The following CMPK1 variants were observed in gnomAD, a reference collection of about 807,000 sequenced individuals.
The protein encoded by CMPK1 is UMP-CMP kinase.
In CMPK1, 10 loss-of-function variants were observed where a neutral mutation model predicts 25.7. That is an observed-to-expected ratio of 0.39 (90% CI 0.24 to 0.66). The LOEUF (loss-of-function observed/expected upper bound fraction) is 0.66. Among genes scored for constraint, CMPK1 ranks in the 30% least tolerant of loss-of-function variants. The pLI, the probability that CMPK1 is intolerant of heterozygous loss-of-function variation, is 0.48. For synonymous variants in CMPK1, 106 were observed against 101.5 expected (o/e 1.04, Z -0.27); for missense variants, 199 against 280.5 (o/e 0.71, Z 2.08).
At chr1:47,362,609 C>T (rs1027896704) in intron 1 of CMPK1, among the ~76,000 whole-genome samples, 5 of 152,176 alleles carry the variant, frequency 3.3e-5, no homozygotes, top group Non-Finnish European at 5.9e-5. Context: ...CATGCCACCA[C>T]GCCTGGCTAA....
intron 1 of CMPK1, among the ~76,000 whole-genome samples, chr1:47,345,746 TG>T (rs1272655601): frequency 6.6e-6 from 1 of 150,908 alleles, no homozygotes; most frequent in East Asian, 2.0e-4. Context: ...CATGAGCCAC[TG>T]CACCTGGCCT....
chr1:47,358,918 A>G (rs1389536590), intron 1 of CMPK1: 13 of 985,386 alleles, frequency 1.3e-5, no homozygotes, highest in Non-Finnish European at 1.6e-5. Flanking sequence ...GGATCTTTAC[A>G]TGTTGCATTT....
intron 1 of CMPK1, among the ~76,000 whole-genome samples, chr1:47,348,535 T>C (rs1296924264): frequency 6.6e-6 from 1 of 152,172 alleles, no homozygotes; most frequent in African/African-American, 2.4e-5. Context: ...AAAGCACCAG[T>C]TGTTACTTAC....
chr1:47,371,403 A>C (rs565286455), intron 2 of CMPK1, among the ~76,000 whole-genome samples: 1 of 152,282 alleles, frequency 6.6e-6, no homozygotes, highest in Admixed American at 6.5e-5. Flanking sequence ...TTGCAGTCAG[A>C]TTCTGTTTCC....
At chr1:47,344,858 A>G (rs912156596) in intron 1 of CMPK1, among the ~76,000 whole-genome samples, 4 of 151,136 alleles carry the variant, frequency 2.6e-5, no homozygotes, top group Admixed American at 6.6e-5. Context: ...CTAGAGTGTA[A>G]TGTCTTTAAG....
intron 1 of CMPK1, among the ~76,000 whole-genome samples, chr1:47,338,790 A>G (rs368414407): frequency 1.3e-5 from 2 of 152,180 alleles, no homozygotes; most frequent in South Asian, 4.1e-4. Context: ...TAATTTAGTT[A>G]TAAAATCATG....
At chr1:47,367,418 A>G (rs572953596) in intron 1 of CMPK1, among the ~76,000 whole-genome samples, 1 of 152,262 alleles carries the variant, frequency 6.6e-6, no homozygotes, top group South Asian at 2.1e-4. Context: ...CCGAAAACAG[A>G]AAACTCACCA....
rs1436422979 is a variant in CMPK1 at position 47,333,989 on chromosome 1, T to C, written c.44T>C (p.Leu15Pro). The change falls in exon 1 of 6, where the codon CTT becomes CCT. Residue 15 changes from leucine to proline, a missense_variant. Physicochemically the swap from Leu to Pro is moderately conservative, Grantham distance 98 (BLOSUM62 -3). This residue lies in a region of CMPK1 where 59 missense variants were observed against 45.1 expected (regional missense o/e 1.31). Transcript: ENST00000371873. Reference sequence around the variant, plus strand: ...AGCGGGCTGCTCCACGTCCTGGGCCTTAGCTTCCTGCTGCAGACCCGCCGG... The same window carrying C: ...AGCGGGCTGCTCCACGTCCTGGGCCCTAGCTTCCTGCTGCAGACCCGCCGG... Reference protein sequence around the residue: ...CRSGLLHVLGLSFLLQTRRPI... With the variant: ...CRSGLLHVLGPSFLLQTRRPI... 1 of 1,535,826 alleles carries C rather than the reference T, an allele frequency of 6.5e-7. No individual in the cohort carries two copies. Among genetic ancestry groups the C allele is most frequent in the Non-Finnish European group, 8.8e-7 (1 of 1,139,954 alleles).
chr1:47,334,511 A>T (rs1447909830), intron 1 of CMPK1, among the ~76,000 whole-genome samples: 1 of 152,164 alleles, frequency 6.6e-6, no homozygotes, highest in African/African-American at 2.4e-5. Context: ...TTTGGGTTAG[A>T]GGCCGTGTGC....
intron 1 of CMPK1, among the ~76,000 whole-genome samples, chr1:47,366,379 T>C (rs902444373): frequency 6.6e-6 from 1 of 152,222 alleles, no homozygotes; most frequent in Non-Finnish European, 1.5e-5. Context: ...CTATTCTTGC[T>C]TTCCTCAAAA....
intron 1 of CMPK1, among the ~76,000 whole-genome samples, chr1:47,357,010 C>G (rs1214297397): frequency 2.2e-5 from 3 of 137,450 alleles, no homozygotes; most frequent in African/African-American, 8.2e-5. Flanking sequence ...GTCGCCCAGG[C>G]TGGAGTGCAG....
At chr1:47,371,349 T>G (rs1024559416) in intron 2 of CMPK1, among the ~76,000 whole-genome samples, 4 of 152,242 alleles carry the variant, frequency 2.6e-5, no homozygotes, top group African/African-American at 9.6e-5. Context: ...ATATGGTTTT[T>G]ACTTTTTCAC....
chr1:47,377,075 A>G lies in CMPK1; in HGVS notation c.*330A>G, dbSNP rs1646713138. On this transcript the variant is annotated 3_prime_UTR_variant, in exon 6 of 6. Coordinates refer to ENST00000371873, the MANE Select transcript of CMPK1 (RefSeq NM_016308.3). ...TAGTACGCGTATATATCCCTCTAGT[A>G]ATCACAACATTTTAGGATTTAGGGA... 1.1e-5 allele frequency: 2 copies of G among 179,200 alleles called. No individual in the cohort carries two copies. Among genetic ancestry groups the G allele is most frequent in the South Asian group, 4.0e-4 (2 of 5,058 alleles). The allele number at this position is 179,200 out of a possible 1,614,324, so 11.1% of individuals were successfully genotyped here. A position where few individuals can be genotyped will look rare whatever the true frequency, so the allele number is the denominator to read the frequency against.
intron 1 of CMPK1, among the ~76,000 whole-genome samples, chr1:47,351,537 T>C (rs1646522532): frequency 6.6e-6 from 1 of 152,342 alleles, no homozygotes; most frequent in Admixed American, 6.5e-5. Context: ...TGAATAATAC[T>C]GCAGTGATTG....
intron 1 of CMPK1, among the ~76,000 whole-genome samples, chr1:47,346,136 G>A (rs1384438663): frequency 1.3e-5 from 2 of 151,436 alleles, no homozygotes; most frequent in Non-Finnish European, 1.5e-5. Flanking sequence ...TGCAACCTCT[G>A]CCTCCCGGGT....
chr1:47,353,506 C>T (rs991420187), intron 1 of CMPK1, among the ~76,000 whole-genome samples: 2 of 152,098 alleles, frequency 1.3e-5, no homozygotes, highest in African/African-American at 4.8e-5. Context: ...CAATATGTCT[C>T]CAGAGCTGCT....
At chr1:47,365,633 CAAA>C (rs10623948) in intron 1 of CMPK1, among the ~76,000 whole-genome samples, 3 of 108,410 alleles carry the variant, frequency 2.8e-5, no homozygotes, top group Non-Finnish European at 1.8e-5. Context: ...GACCCTGTCT[CAAA>C]AAAAAAAAAA....
intron 1 of CMPK1, among the ~76,000 whole-genome samples, chr1:47,357,633 C>A (rs778520847): frequency 6.6e-6 from 1 of 151,838 alleles, no homozygotes; most frequent in East Asian, 1.9e-4. Context: ...TACAGGCACC[C>A]GCCGTCATGC....
Position 47,335,636 on chromosome 1 carries a change from C to CA in CMPK1, c.171+1542dup, listed in dbSNP as rs34856862. ...TGGGCGAAAGAGTGAAACTCCGTCT[C>CA]AAAAAAAAAAAAAAAAAAAAAATCA... On this transcript the variant is annotated intron_variant, in intron 1 of 5. Coordinates refer to ENST00000371873, the MANE Select transcript of CMPK1 (RefSeq NM_016308.3). Among the ~76,000 whole-genome samples the CA allele has an allele frequency of 4.1e-3, 305 of 75,182 alleles. 7 individuals are homozygous for CA. The East Asian group carries it at 0.051, about 13-fold the overall frequency. The allele number at this position is 75,182 out of a possible 152,430, so 49.3% of individuals were successfully genotyped here.
Sources: allele counts gnomAD v4.1 joint callset (sites outside exome capture counted in the v4.1 genomes callset), GRCh38; gene constraint gnomAD v4.1.1; regional missense constraint gnomAD v4.1.1; transcripts MANE v1.5; gene names NCBI Gene and HGNC (gene_info 2026-07-23, HGNC 2026-07-21).